YAP1: variants seen among roughly 807,000 people sequenced by gnomAD.
The protein encoded by YAP1 is Yes1 associated transcriptional regulator.
Under a neutral mutation model 56.9 loss-of-function variants are expected in YAP1, and 5 were observed. The ratio of observed to expected loss-of-function variants is 0.09; its 90% CI spans 0.05 to 0.18. The LOEUF (loss-of-function observed/expected upper bound fraction) is 0.18. Among genes scored for constraint, YAP1 ranks in the 10% least tolerant of loss-of-function variants. The pLI, the probability that YAP1 is intolerant of heterozygous loss-of-function variation, is 1.00. For synonymous variants in YAP1, 265 were observed against 248.1 expected (o/e 1.07, Z -0.64); for missense variants, 539 against 651.8 (o/e 0.83, Z 1.88).
At chr11:102,170,307 T>C (rs1305455461) in intron 3 of YAP1, among the ~76,000 whole-genome samples, 2 of 152,238 alleles carry the variant, frequency 1.3e-5, no homozygotes, top group African/African-American at 4.8e-5. Flanking sequence ...ATAATTACTT[T>C]GTTTTTCAGT....
intron 2 of YAP1, among the ~76,000 whole-genome samples, chr11:102,142,026 A>G (rs1377820703): frequency 4.6e-5 from 7 of 152,366 alleles, no homozygotes; most frequent in Non-Finnish European, 8.8e-5. Flanking sequence ...TTCTAGTGTG[A>G]TAACATTGTA....
chr11:102,221,233 A>G (rs1949912540), intron 6 of YAP1, among the ~76,000 whole-genome samples: 2 of 152,212 alleles, frequency 1.3e-5, no homozygotes, highest in Non-Finnish European at 2.9e-5. Context: ...ATTTGAGTAC[A>G]AGAAGCAGTT....
chr11:102,217,418 A>G (rs1176257725), intron 6 of YAP1, among the ~76,000 whole-genome samples: 1 of 152,218 alleles, frequency 6.6e-6, no homozygotes, highest in Non-Finnish European at 1.5e-5. Flanking sequence ...GCCAAAATGT[A>G]GAAATAACCC....
At chr11:102,148,313 T>C (rs1945435068) in intron 2 of YAP1, among the ~76,000 whole-genome samples, 1 of 152,144 alleles carries the variant, frequency 6.6e-6, no homozygotes, top group Non-Finnish European at 1.5e-5. Context: ...AAGAAGATCA[T>C]TGGTTTGAAA....
At chr11:102,180,098 C>A (rs1348215407) in intron 3 of YAP1, among the ~76,000 whole-genome samples, 2 of 149,412 alleles carry the variant, frequency 1.3e-5, no homozygotes, top group African/African-American at 4.9e-5. Context: ...CAACCTCCAA[C>A]TCCCGGGTAC....
chr11:102,193,256 A>G (rs1267706300), intron 4 of YAP1, among the ~76,000 whole-genome samples: 3 of 152,176 alleles, frequency 2.0e-5, no homozygotes, highest in Non-Finnish European at 4.4e-5. Flanking sequence ...GCTTAAATGA[A>G]TATTTTAATA....
At chr11:102,181,795 G>T (rs1947641561) in intron 3 of YAP1, among the ~76,000 whole-genome samples, 1 of 152,094 alleles carries the variant, frequency 6.6e-6, no homozygotes. Context: ...ACTAGCTGAA[G>T]AATTCTAAGT....
At chr11:102,167,957 T>C (rs1466466844) in intron 3 of YAP1, among the ~76,000 whole-genome samples, 1 of 152,072 alleles carries the variant, frequency 6.6e-6, no homozygotes, top group Non-Finnish European at 1.5e-5. Context: ...ATTGGAAGGA[T>C]AGCTTGAGCC....
At chr11:102,196,262 A>G (rs961042578) in intron 4 of YAP1, among the ~76,000 whole-genome samples, 1 of 152,320 alleles carries the variant, frequency 6.6e-6, no homozygotes, top group East Asian at 1.9e-4. Context: ...ACCTGTACCC[A>G]GGTTTACAGC....
rs183806248 is a variant in YAP1, at chr11:102,219,939, G to A, written c.1033-3683G>A. ...AGTAGAGACGGGGTTTCACCATGTTGGTCAGGCTGGTCTCCAACTCCTGAC... is the reference window on the plus strand; with the variant it reads ...AGTAGAGACGGGGTTTCACCATGTTAGTCAGGCTGGTCTCCAACTCCTGAC... On this transcript the variant is annotated intron_variant, in intron 6 of 8. Transcript: ENST00000282441. Among the ~76,000 whole-genome samples, 375 of 151,794 alleles carry A rather than the reference G, an allele frequency of 2.5e-3. 1 individual carries two copies. The highest frequency in any genetic ancestry group is 5.6e-3 in the South Asian group (27 of 4,788).
At chr11:102,115,680 C>G (rs556246025) in intron 2 of YAP1, among the ~76,000 whole-genome samples, 1 of 152,026 alleles carries the variant, frequency 6.6e-6, no homozygotes, top group Non-Finnish European at 1.5e-5. Flanking sequence ...AGTAAAGGGC[C>G]TGAGACTGGA....
At chr11:102,165,929 A>C (rs1249407614) in intron 3 of YAP1, among the ~76,000 whole-genome samples, 2 of 152,150 alleles carry the variant, frequency 1.3e-5, no homozygotes, top group Non-Finnish European at 2.9e-5. Flanking sequence ...TGTGGAGATG[A>C]TGTTTGTTTA....
chr11:102,188,402 GTTTA>G (rs759884378), intron 4 of YAP1, among the ~76,000 whole-genome samples: 5 of 152,090 alleles, frequency 3.3e-5, no homozygotes, highest in South Asian at 2.1e-4. Context: ...CCTTTTATAT[GTTTA>G]TTTATCAGAT....
rs372363316 is a variant in YAP1, at chr11:102,219,871, A to G, written c.1033-3751A>G. On this transcript the variant is annotated intron_variant, in intron 6 of 8. Coordinates refer to ENST00000282441, the MANE Select transcript of YAP1 (RefSeq NM_001130145.3). The stretch of plus-strand genomic sequence containing the variant: ...CTCAGCTTCCTGAGTAGCTGGGACT[A>G]CAGGCATACGCCACCACGCCTGGCT... 1.5e-3 allele frequency among the ~76,000 whole-genome samples: 228 copies of G among 152,000 alleles called. 1 individual carries two copies. Among genetic ancestry groups the G allele is most frequent in the South Asian group, 3.1e-3 (15 of 4,810 alleles).
intron 2 of YAP1, among the ~76,000 whole-genome samples, chr11:102,134,898 G>A (rs1225986642): frequency 1.3e-5 from 2 of 151,818 alleles, no homozygotes; most frequent in Non-Finnish European, 2.9e-5. Context: ...GTTTTTTTGA[G>A]ATGGAGTTTC....
chr11:102,186,221 G>A (rs556830837), intron 4 of YAP1, 90 bp downstream of exon 4: 12 of 1,407,752 alleles, frequency 8.5e-6, no homozygotes, highest in African/African-American at 5.8e-5. Flanking sequence ...AAATAAAATC[G>A]CATTGCTTTA....
Position 102,110,573 on chromosome 11 carries a change from G to T in YAP1, c.-276G>T. 1 of 210,956 alleles carries T rather than the reference G, an allele frequency of 4.7e-6. No individual in the cohort carries two copies. The highest frequency in any genetic ancestry group is 9.3e-6 in the Non-Finnish European group (1 of 107,508). 13.1% of individuals were successfully genotyped at this position (210,956 alleles called of 1,614,324 possible). Reference sequence around the variant, plus strand: ...TCCGGCCTCCGTCAAGGGAGTTGGAGGGAAAAAGTTCTCAGGCGCCGCAGG... The same window carrying T: ...TCCGGCCTCCGTCAAGGGAGTTGGATGGAAAAAGTTCTCAGGCGCCGCAGG... On this transcript the variant is annotated 5_prime_UTR_variant, in exon 1 of 9. In the 5' UTR this introduces an upstream ATG that the reference lacks. Transcript: ENST00000282441.
At chr11:102,156,622 C>T (rs1242466727) in intron 2 of YAP1, among the ~76,000 whole-genome samples, 1 of 152,198 alleles carries the variant, frequency 6.6e-6, no homozygotes, top group Non-Finnish European at 1.5e-5. Flanking sequence ...ACTCTAATGA[C>T]ATCTGTTGTT....
chr11:102,156,418 G>T (rs1458444091), intron 2 of YAP1, among the ~76,000 whole-genome samples: 1 of 152,190 alleles, frequency 6.6e-6, no homozygotes, highest in Non-Finnish European at 1.5e-5. Context: ...GATGCAGGTT[G>T]TTTGGGAACC....
Sources: gnomAD v4.1 joint callset for allele counts (sites outside exome capture counted in the v4.1 genomes callset) on GRCh38, gnomAD v4.1.1 for gene constraint, MANE v1.5 for transcripts, NCBI Gene and HGNC (gene_info 2026-07-23, HGNC 2026-07-21) for gene names.